CDH20: variants seen among roughly 807,000 people sequenced by gnomAD.
CDH20 encodes cadherin 20, also known as cadherin-20.
A neutral mutation model predicts 74.2 loss-of-function variants in CDH20; 29 were observed. The ratio of observed to expected loss-of-function variants is 0.39; its 90% CI spans 0.29 to 0.53. The LOEUF (loss-of-function observed/expected upper bound fraction) is 0.53, where lower values mean the gene tolerates loss of function less well. Among genes scored for constraint, CDH20 ranks in the 20% least tolerant of loss-of-function variants. CDH20 has a pLI of 0.69. For synonymous variants in CDH20, 469 were observed against 405.4 expected, an observed-to-expected ratio of 1.16 and a Z score of -1.88; for missense variants, 988 against 1,048.3, an observed-to-expected ratio of 0.94 and a Z score of 0.79.
At chr18:61,507,234 T>G (rs1025307448) in intron 5 of CDH20, 139 bp from the exon 6 acceptor site, 64 of 745,420 alleles carry the variant, frequency 8.6e-5, no homozygotes, top group Non-Finnish European at 2.6e-5. Context: ...GACCTTAGTT[T>G]TTATCTGTAA....
chr18:61,525,136 G>A (rs1223352748), intron 6 of CDH20, among the ~76,000 whole-genome samples: 2 of 152,186 alleles, frequency 1.3e-5, no homozygotes, highest in Non-Finnish European at 2.9e-5. Flanking sequence ...AGAGGGTCAC[G>A]GGGGTTTTGA....
chr18:61,491,066 T>A (rs964433953), intron 2 of CDH20, among the ~76,000 whole-genome samples: 1 of 152,162 alleles, frequency 6.6e-6, no homozygotes, highest in African/African-American at 2.4e-5. Flanking sequence ...CTGCAAGAGC[T>A]ATTCAAGTCC....
intron 1 of CDH20, among the ~76,000 whole-genome samples, chr18:61,401,119 T>C (rs1912138574): frequency 6.6e-6 from 1 of 152,220 alleles, no homozygotes. Flanking sequence ...GAGGACACTA[T>C]CTTGGAATGA....
chr18:61,480,961 T>C (rs1362275614), intron 1 of CDH20, among the ~76,000 whole-genome samples: 3 of 152,234 alleles, frequency 2.0e-5, no homozygotes, highest in African/African-American at 7.2e-5. Flanking sequence ...TTGTTGCAGG[T>C]GTGAACAGAC....
chr18:61,397,853 T>C (rs1912034891), intron 1 of CDH20, among the ~76,000 whole-genome samples: 1 of 152,226 alleles, frequency 6.6e-6, no homozygotes, highest in South Asian at 2.1e-4. Context: ...GCCTGGCACA[T>C]AGTAAGTACT....
At chr18:61,454,060 A>T (rs1909489494) in intron 1 of CDH20, among the ~76,000 whole-genome samples, 1 of 152,240 alleles carries the variant, frequency 6.6e-6, no homozygotes, top group South Asian at 2.1e-4. Flanking sequence ...ATGACTAATG[A>T]TGTTTAACAT....
chr18:61,412,889 G>A (rs1451382827), intron 1 of CDH20, among the ~76,000 whole-genome samples: 1 of 152,122 alleles, frequency 6.6e-6, no homozygotes, highest in Non-Finnish European at 1.5e-5. Context: ...GTGAACAATG[G>A]ATCTCTCTGG....
chr18:61,399,120 G>A (rs544925616), intron 1 of CDH20, among the ~76,000 whole-genome samples: 6 of 151,136 alleles, frequency 4.0e-5, no homozygotes, highest in Non-Finnish European at 8.8e-5. Flanking sequence ...ATGGAATGAA[G>A]ACATAAGTCA....
chr18:61,365,057 A>G (rs1463201466), intron 1 of CDH20, among the ~76,000 whole-genome samples: 1 of 152,098 alleles, frequency 6.6e-6, no homozygotes, highest in Non-Finnish European at 1.5e-5. Context: ...CATTTAACTC[A>G]CTATCTAGAA....
chr18:61,427,078 AG>A, intron 1 of CDH20, among the ~76,000 whole-genome samples: 1 of 152,162 alleles, frequency 6.6e-6, no homozygotes, highest in East Asian at 1.9e-4. Context: ...TATTGTTGGT[AG>A]GGGGAGATTT....
rs547200976 is a variant in CDH20 at position 61,413,048 on chromosome 18, C to T, written c.-152-77354C>T. 4.6e-5 allele frequency among the ~76,000 whole-genome samples: 7 copies of T among 152,286 alleles called. No individual in the cohort carries two copies. In the South Asian group the frequency reaches 1.4e-3, roughly 32 times the overall value. On this transcript the variant is annotated intron_variant, in intron 1 of 11. Transcript: ENST00000262717. ...ATGAAGTCAGGAGACGGAGACGAATCCCTGAACTAAAGCAGAGTACTTATT... is the reference window on the plus strand; with the variant it reads ...ATGAAGTCAGGAGACGGAGACGAATTCCTGAACTAAAGCAGAGTACTTATT...
At chr18:61,476,853 T>C (rs1910406087) in intron 1 of CDH20, among the ~76,000 whole-genome samples, 1 of 152,232 alleles carries the variant, frequency 6.6e-6, no homozygotes, top group Admixed American at 6.5e-5. Flanking sequence ...TCTCTCTTTT[T>C]TGATAAGTCC....
At chr18:61,467,820 A>G (rs1910017325) in intron 1 of CDH20, among the ~76,000 whole-genome samples, 1 of 152,210 alleles carries the variant, frequency 6.6e-6, no homozygotes, top group Non-Finnish European at 1.5e-5. Context: ...CAGAAGTAGA[A>G]TCTAAAGCTG....
intron 1 of CDH20, among the ~76,000 whole-genome samples, chr18:61,434,449 C>T (rs1908760725): frequency 6.6e-6 from 1 of 152,144 alleles, no homozygotes. Flanking sequence ...AAGTGCCAGA[C>T]ACCGTAATAA....
intron 1 of CDH20, among the ~76,000 whole-genome samples, chr18:61,347,539 C>A (rs184545176): frequency 8.5e-4 from 125 of 146,248 alleles, no homozygotes; most frequent in African/African-American, 2.3e-3. Flanking sequence ...AACAAACAAA[C>A]AAAAAAAAAA....
Position 61,432,551 on chromosome 18 carries a change from C to G in CDH20, c.-152-57851C>G, listed in dbSNP as rs188981147. ...TCCAGTTCAGTACTGCAATACTAAA[C>G]CTTCCACAGTTGAAAGTACTCTAAA... On this transcript the variant is annotated intron_variant, in intron 1 of 11. Transcript: ENST00000262717. Among the ~76,000 whole-genome samples, 18 of 152,310 alleles carry G rather than the reference C, an allele frequency of 1.2e-4. No homozygotes were observed. The East Asian group carries it at 2.7e-3, about 23-fold the overall frequency.
At chr18:61,541,748 T>C (rs2144397910) in intron 9 of CDH20, among the ~76,000 whole-genome samples, 1 of 152,340 alleles carries the variant, frequency 6.6e-6, no homozygotes, top group East Asian at 1.9e-4. Flanking sequence ...GATACTGTCC[T>C]CAGCTTCACA....
intron 1 of CDH20, among the ~76,000 whole-genome samples, chr18:61,442,370 G>GAAAAAAAAAAAA (rs35527064): frequency 1.4e-5 from 2 of 142,274 alleles, no homozygotes; most frequent in African/African-American, 2.6e-5. Context: ...AAAAAGAAAA[G>GAAAAAAAAAAAA]AAAAAAAAAA....
chr18:61,490,028 T>G (rs667834), intron 1 of CDH20, among the ~76,000 whole-genome samples: 1 of 152,166 alleles, frequency 6.6e-6, no homozygotes, highest in Non-Finnish European at 1.5e-5. Context: ...CTGTAAATTT[T>G]GTAAATGAAT....
Sources: allele counts gnomAD v4.1 joint callset (sites outside exome capture counted in the v4.1 genomes callset), GRCh38; gene constraint gnomAD v4.1.1; transcripts MANE v1.5; gene names NCBI Gene and HGNC (gene_info 2026-07-23, HGNC 2026-07-21).